The following ODR4 variants were observed in gnomAD, a reference collection of about 807,000 sequenced individuals.
ODR4 encodes protein odr-4 homolog.
ODR4 carries 47 observed loss-of-function variants against 60.2 expected under a neutral mutation model. The observed-to-expected ratio is 0.78, with a 90% CI of 0.62 to 1.00. The LOEUF (loss-of-function observed/expected upper bound fraction) is 1.00, where lower values mean the gene tolerates loss of function less well. Among genes scored for constraint, ODR4 ranks in the 50% least tolerant of loss-of-function variants. ODR4 has a pLI of 0.00. For synonymous variants in ODR4, 178 were observed against 175.5 expected (o/e 1.01, Z -0.11); for missense variants, 488 against 530.8 (o/e 0.92, Z 0.79).
intron 12 of ODR4, among the ~76,000 whole-genome samples, chr1:186,408,305 A>G (rs887327721): frequency 6.6e-6 from 1 of 152,062 alleles, no homozygotes; most frequent in African/African-American, 2.4e-5. Context: ...GAGCTAAATA[A>G]TGAAGTATAG....
At chr1:186,377,619 A>G (rs1310506661) in intron 1 of ODR4, among the ~76,000 whole-genome samples, 1 of 152,242 alleles carries the variant, frequency 6.6e-6, no homozygotes, top group South Asian at 2.1e-4. Flanking sequence ...ATAGAATTGC[A>G]TACCTTAAGG....
At chr1:186,376,892 A>G (rs1232770455) in intron 1 of ODR4, among the ~76,000 whole-genome samples, 1 of 152,222 alleles carries the variant, frequency 6.6e-6, no homozygotes, top group Non-Finnish European at 1.5e-5. Context: ...AGGAAACCAG[A>G]GCCCAGAAAG....
At chr1:186,392,695 G>A (rs947610253) in intron 8 of ODR4, among the ~76,000 whole-genome samples, 1 of 150,196 alleles carries the variant, frequency 6.7e-6, no homozygotes, top group Non-Finnish European at 1.5e-5. Flanking sequence ...GCAGGTGCCT[G>A]TAATTGCAGC....
chr1:186,384,083 T>C (rs1299376), intron 3 of ODR4, among the ~76,000 whole-genome samples: 12,071 of 152,272 alleles, frequency 0.079, 512 homozygotes, highest in South Asian at 0.098. Context: ...ATTATTGTTT[T>C]AGTCTGTTTG....
intron 3 of ODR4, among the ~76,000 whole-genome samples, chr1:186,384,818 T>G (rs866741331): frequency 1.2e-4 from 18 of 152,134 alleles, no homozygotes; most frequent in South Asian, 1.0e-3. Flanking sequence ...TAAATAGAAT[T>G]TATTAAATCA....
intron 8 of ODR4, among the ~76,000 whole-genome samples, chr1:186,392,016 C>T (rs2102038670): frequency 6.6e-6 from 1 of 151,950 alleles, no homozygotes; most frequent in East Asian, 1.9e-4. Flanking sequence ...TACATGCAGC[C>T]AAGAATCGTA....
intron 2 of ODR4, among the ~76,000 whole-genome samples, chr1:186,381,378 G>C (rs539713301): frequency 6.0e-5 from 9 of 151,164 alleles, no homozygotes; most frequent in South Asian, 2.1e-4. Flanking sequence ...CCAGGCTGGA[G>C]TGCAGTGGCG....
chr1:186,407,767 T>C (rs1661224410), intron 12 of ODR4, among the ~76,000 whole-genome samples: 1 of 152,178 alleles, frequency 6.6e-6, no homozygotes, highest in African/African-American at 2.4e-5. Flanking sequence ...CTGTTCATTT[T>C]ATTACAGTTT....
At chr1:186,379,915 A>G in intron 2 of ODR4, 31 bp downstream of exon 2, 1 of 1,187,890 alleles carries the variant, frequency 8.4e-7, no homozygotes, top group South Asian at 1.5e-5. Context: ...ATTTATAACT[A>G]AATAATTACT....
downstream of ODR4, among the ~76,000 whole-genome samples, chr1:186,425,395 C>T (rs767381212): frequency 2.0e-5 from 3 of 152,132 alleles, no homozygotes; most frequent in African/African-American, 4.8e-5. Flanking sequence ...CAATTGGGCA[C>T]GTCTAATTCC....
intron 12 of ODR4, among the ~76,000 whole-genome samples, chr1:186,413,362 A>T (rs973235091): frequency 6.6e-6 from 1 of 152,154 alleles, no homozygotes; most frequent in Non-Finnish European, 1.5e-5. Flanking sequence ...GTTCTATAGT[A>T]TAGTTGCCCA....
At chr1:186,414,962 A>G (rs1349382030) in intron 12 of ODR4, among the ~76,000 whole-genome samples, 2 of 152,194 alleles carry the variant, frequency 1.3e-5, no homozygotes, top group Admixed American at 1.3e-4. Flanking sequence ...TACTGAGCTA[A>G]TATAGTCTAG....
rs1661714651 is a variant in ODR4, at chr1:186,419,803, T to G, written c.*727T>G. 1 of 152,066 alleles carries G rather than the reference T, an allele frequency of 6.6e-6. No individual in the cohort carries two copies. The highest frequency in any genetic ancestry group is 2.1e-4 in the South Asian group (1 of 4,812). The allele number at this position is 152,066 out of a possible 1,614,324, so 9.4% of individuals were successfully genotyped here. ...CTTAATAATAGAGCACCAGAAAAAT[T>G]TCTACCAAATGAGACAACAACTTTA... On this transcript the variant is annotated 3_prime_UTR_variant, in exon 14 of 14. Transcript: ENST00000287859.
chr1:186,409,984 T>C (rs1347120116), intron 12 of ODR4, among the ~76,000 whole-genome samples: 2 of 152,234 alleles, frequency 1.3e-5, no homozygotes, highest in African/African-American at 4.8e-5. Context: ...TTTACATACT[T>C]GTAATTATTT....
downstream of ODR4, among the ~76,000 whole-genome samples, chr1:186,425,496 T>C (rs1661867147): frequency 6.6e-6 from 1 of 152,178 alleles, no homozygotes; most frequent in Non-Finnish European, 1.5e-5. Flanking sequence ...CTGTAAGATC[T>C]TGACTTTGCT....
chr1:186,428,751 T>C, the ODR4 span, among the ~76,000 whole-genome samples: 2 of 152,198 alleles, frequency 1.3e-5, no homozygotes, highest in Non-Finnish European at 2.9e-5. Flanking sequence ...TGTAGGGTTA[T>C]CAACTGGCCT....
intron 12 of ODR4, among the ~76,000 whole-genome samples, chr1:186,412,463 C>T (rs1347742553): frequency 6.6e-6 from 1 of 152,022 alleles, no homozygotes; most frequent in Non-Finnish European, 1.5e-5. Context: ...AAGAATATGA[C>T]TTACCTAGAA....
At chr1:186,428,221 A>G in the ODR4 span, among the ~76,000 whole-genome samples, 2 of 152,184 alleles carry the variant, frequency 1.3e-5, no homozygotes, top group South Asian at 4.1e-4. Flanking sequence ...TTGAAAATCT[A>G]TTGTTTAGCC....
the ODR4 span, among the ~76,000 whole-genome samples, chr1:186,428,783 C>T: frequency 6.6e-6 from 1 of 152,070 alleles, no homozygotes. Context: ...TATTGTGTTT[C>T]AGAGAATAGG....
Sources: allele counts gnomAD v4.1 joint callset (sites outside exome capture counted in the v4.1 genomes callset), GRCh38; gene constraint gnomAD v4.1.1; transcripts MANE v1.5; gene names NCBI Gene and HGNC (gene_info 2026-07-23, HGNC 2026-07-21).